Variants in PEF1 observed in about 807,000 individuals in gnomAD.
The protein encoded by PEF1 is peflin.
Under a neutral mutation model 32.0 loss-of-function variants are expected in PEF1, and 17 were observed. That is an observed-to-expected ratio of 0.53 (90% CI 0.36 to 0.80). PEF1 has a LOEUF of 0.80. PEF1 is among the 30% of genes least tolerant of loss of function. The probability of loss-of-function intolerance (pLI) is 0.00; values close to 1 mark genes in which losing one functional copy is unlikely to be tolerated. For missense variants in PEF1, 362 were observed against 369.1 expected (o/e 0.98, Z 0.16); for synonymous variants, 130 against 139.8 (o/e 0.93, Z 0.50).
intron 2 of PEF1, among the ~76,000 whole-genome samples, chr1:31,634,141 T>C (rs907881373): frequency 6.6e-6 from 1 of 152,168 alleles, no homozygotes; most frequent in African/African-American, 2.4e-5. Context: ...GAAAAAGGTA[T>C]GCCTGACTTA....
intron 2 of PEF1, among the ~76,000 whole-genome samples, chr1:31,633,829 C>A (rs1640182444): frequency 6.6e-6 from 1 of 152,112 alleles, no homozygotes; most frequent in African/African-American, 2.4e-5. Context: ...GTGGCACATG[C>A]CTGTAATCCC....
chr1:31,638,310 C>G (rs933024823), intron 1 of PEF1, among the ~76,000 whole-genome samples: 5 of 152,118 alleles, frequency 3.3e-5, no homozygotes, highest in African/African-American at 1.2e-4. Context: ...ATGCTGTGAG[C>G]TGGAGGAAGA....
rs569934040 is a variant in PEF1 at position 31,638,606 on chromosome 1, G to A, written c.25-3084C>T. Among the ~76,000 whole-genome samples, 4 of 152,372 alleles carry A rather than the reference G, an allele frequency of 2.6e-5. No homozygotes were observed. The South Asian group carries it at 6.2e-4, about 24-fold the overall frequency. On this transcript the variant is annotated intron_variant, in intron 1 of 4. Coordinates refer to ENST00000373703, the MANE Select transcript of PEF1 (RefSeq NM_012392.4). ...GAAACATCCCCAGGCCAACAAAGCA[G>A]GTGCTGCCAGGCAGGTCTCCTGCCC... is the stretch of plus-strand genomic sequence containing the variant.
intron 2 of PEF1, among the ~76,000 whole-genome samples, chr1:31,634,332 AC>A (rs547693919): frequency 5.8e-4 from 89 of 152,150 alleles, no homozygotes; most frequent in South Asian, 3.5e-3. Flanking sequence ...CTGGATTCAA[AC>A]CCTGGATCTG....
intron 4 of PEF1, 131 bp from the exon 5 acceptor site, chr1:31,630,973 G>T (rs1640084372): frequency 1.3e-6 from 1 of 766,976 alleles, no homozygotes; most frequent in Non-Finnish European, 2.2e-6. Flanking sequence ...AGAGGGTAGA[G>T]AAATCCCAAG....
chr1:31,638,048 G>A (rs1016958627), intron 1 of PEF1, among the ~76,000 whole-genome samples: 2 of 152,156 alleles, frequency 1.3e-5, no homozygotes, highest in East Asian at 1.9e-4. Flanking sequence ...ACTGTGTAAC[G>A]TCTAACAAAA....
Position 31,630,606 on chromosome 1 carries a change from G to T in PEF1, c.*7C>A. The T allele has an allele frequency of 6.2e-7, 1 of 1,611,704 alleles. No individual in the cohort carries two copies. The highest frequency in any genetic ancestry group is 1.7e-5 in the Admixed American group (1 of 60,004). On this transcript the variant is annotated 3_prime_UTR_variant, in exon 5 of 5. Coordinates refer to ENST00000373703, the MANE Select transcript of PEF1 (RefSeq NM_012392.4). ...CTGGTGCACTCCACTCTCCACAGAT[G>T]GTTGGGTCATAGCATCCGAGAAGCT...
chr1:31,639,428 C>T (rs894475416), intron 1 of PEF1, among the ~76,000 whole-genome samples: 7 of 152,224 alleles, frequency 4.6e-5, no homozygotes, highest in Admixed American at 1.3e-4. Context: ...CCCCAGGGCC[C>T]AGCACAGTGC....
chr1:31,632,499 C>A lies in PEF1; in HGVS notation c.621G>T (p.Gln207His). The change falls in exon 4 of 5, where the codon CAG becomes CAT. Residue 207 changes from glutamine (Q) to histidine (H), a missense_variant. By Grantham distance (24) the Gln-to-His change is conservative. Coordinates refer to ENST00000373703, the MANE Select transcript of PEF1 (RefSeq NM_012392.4). ...TGCCCCGGCCATGACCCGCACCTTG[C>A]TGCAGCTCTGTGTAGCTAATGGAGC... The part of the protein sequence containing the change: ...RSGSISYTEL[Q>H]QALSQMGYNL... The A allele has an allele frequency of 6.2e-7, 1 of 1,614,258 alleles. No individual in the cohort carries two copies. The highest frequency in any genetic ancestry group is 8.5e-7 in the Non-Finnish European group (1 of 1,180,054).
At chr1:31,639,372 C>G (rs1640336902) in intron 1 of PEF1, among the ~76,000 whole-genome samples, 1 of 152,250 alleles carries the variant, frequency 6.6e-6, no homozygotes, top group East Asian at 1.9e-4. Context: ...CCCCACCCAA[C>G]AGTAAGCTCC....
At chr1:31,633,133 G>C in intron 3 of PEF1, 26 bp downstream of exon 3, 1 of 1,602,976 alleles carries the variant, frequency 6.2e-7, no homozygotes, top group South Asian at 1.1e-5. Flanking sequence ...CCCCAGCTCA[G>C]GCCCAAGGGC....
At chr1:31,637,801 C>G (rs1264013317) in intron 1 of PEF1, among the ~76,000 whole-genome samples, 1 of 152,132 alleles carries the variant, frequency 6.6e-6, no homozygotes. Flanking sequence ...TCTGAGGGGG[C>G]TCTGAAAACC....
chr1:31,643,325 A>AC (rs1350764558), intron 1 of PEF1, among the ~76,000 whole-genome samples: 1 of 118,984 alleles, frequency 8.4e-6, no homozygotes, highest in Non-Finnish European at 2.1e-5. Flanking sequence ...ATTCAGCTAT[A>AC]CTTAAGAGTA....
At chr1:31,635,993 T>A (rs192279630) in intron 1 of PEF1, among the ~76,000 whole-genome samples, 1 of 152,252 alleles carries the variant, frequency 6.6e-6, no homozygotes, top group East Asian at 1.9e-4. Flanking sequence ...CCCTCATCAG[T>A]CACAAATGAC....
Position 31,632,502 on chromosome 1 carries a change from C to T in PEF1, c.618G>A (p.Leu206=), listed in dbSNP as rs1003080329. ...CCCGGCCATGACCCGCACCTTGCTG[C>T]AGCTCTGTGTAGCTAATGGAGCCCG... The part of the protein sequence containing the change: ...DRSGSISYTE[L]QQALSQMGYN... Residue 206 remains leucine (L), a synonymous_variant, in exon 4 of 5, where the codon CTG becomes CTA. Transcript: ENST00000373703. 4 of 1,614,122 alleles carry T rather than the reference C, an allele frequency of 2.5e-6. No individual in the cohort carries two copies. Among genetic ancestry groups the T allele is most frequent in the Non-Finnish European group, 3.4e-6 (4 of 1,180,046 alleles).
chr1:31,642,742 C>T (rs949975079), intron 1 of PEF1, among the ~76,000 whole-genome samples: 6 of 152,314 alleles, frequency 3.9e-5, no homozygotes, highest in Middle Eastern at 3.4e-3. Context: ...AGAGCAGTCA[C>T]GGCAGCAAGA....
rs781079521 is a variant in PEF1, at chr1:31,632,537, G to C, written c.583C>G (p.Arg195Gly). 1 of 1,614,204 alleles carries C rather than the reference G, an allele frequency of 6.2e-7. No individual in the cohort carries two copies. Among genetic ancestry groups the C allele is most frequent in the Admixed American group, 1.7e-5 (1 of 60,028 alleles). ...TAGCTAATGGAGCCCGAGCGGTCCC[G>C]GTCATACTGCTGGAAGAGGTTCTTC... ...QWKNLFQQYD[R>G]DRSGSISYTE... Residue 195 changes from arginine to glycine, a missense_variant, in exon 4 of 5, where the codon CGG becomes GGG. Transcript: ENST00000373703.
chr1:31,644,821 CGG>C lies in PEF1; in HGVS notation c.24+18_24+19del. 1.2e-6 allele frequency: 2 copies of C among 1,613,652 alleles called. No individual in the cohort carries two copies. The highest frequency in any genetic ancestry group is 1.7e-6 in the Non-Finnish European group (2 of 1,179,768). On this transcript the variant is annotated intron_variant, in intron 1 of 4. Coordinates refer to ENST00000373703, the MANE Select transcript of PEF1 (RefSeq NM_012392.4). ...CTGGCACCGCCGCTACCTGGATTCG[CGG>C]GCCCCTCACACACTCACCTGCCGGT...
intron 4 of PEF1, among the ~76,000 whole-genome samples, chr1:31,631,538 C>G (rs1363014490): frequency 6.6e-6 from 1 of 152,126 alleles, no homozygotes; most frequent in Non-Finnish European, 1.5e-5. Context: ...TATGCGGGCC[C>G]TTGGGCAGGT....
Sources: allele counts gnomAD v4.1 joint callset (sites outside exome capture counted in the v4.1 genomes callset), GRCh38; gene constraint gnomAD v4.1.1; transcripts MANE v1.5; gene names NCBI Gene and HGNC (gene_info 2026-07-23, HGNC 2026-07-21).